The following RNF207 variants were observed in gnomAD, a reference collection of about 807,000 sequenced individuals.
RNF207 encodes the protein ring finger protein 207, also known as OTTHUMG00000001089.
A neutral mutation model predicts 79.0 loss-of-function variants in RNF207; 72 were observed. That is an observed-to-expected ratio of 0.91 (90% CI 0.75 to 1.11). The LOEUF is 1.11. Ranked by LOEUF, RNF207 falls within the 50% of genes least tolerant of loss-of-function variation. RNF207 has a pLI of 0.00. For missense variants in RNF207, 936 were observed against 855.8 expected (o/e 1.09, Z -1.17); for synonymous variants, 348 against 366.2 (o/e 0.95, Z 0.57).
intron 1 of RNF207, 65 bp from the exon 2 acceptor site, chr1:6,206,471 G>A: frequency 7.8e-7 from 1 of 1,284,412 alleles, no homozygotes; most frequent in Non-Finnish European, 1.0e-6. Flanking sequence ...CCGGGCAGAG[G>A]GGCCGCGGGA....
Position 6,210,943 on chromosome 1 carries a change from GCAGT to G in RNF207, c.1011+6_1011+9del. On this transcript the variant is annotated splice_donor_region_variant and intron_variant, in intron 11 of 17. Coordinates refer to ENST00000377939, the MANE Select transcript of RNF207 (RefSeq NM_207396.3). The stretch of plus-strand genomic sequence containing the variant: ...AGGCCTATTCAGAGCAGCAAGGTGT[GCAGT>G]GGCCTGGGTGGGCCAGGGTCGGGGG... The G allele has an allele frequency of 6.2e-7, 1 of 1,603,882 alleles. No individual in the cohort carries two copies. The highest frequency in any genetic ancestry group is 2.2e-5 in the East Asian group (1 of 44,502).
Position 6,206,659 on chromosome 1 carries a change from CACG to C in RNF207, c.127_129del (p.Asp43del). 6.2e-7 allele frequency: 1 copy of C among 1,607,774 alleles called. No individual in the cohort carries two copies. The highest frequency in any genetic ancestry group is 8.5e-7 in the Non-Finnish European group (1 of 1,179,862). On this transcript the variant is annotated inframe_deletion, in exon 2 of 18. Coordinates refer to ENST00000377939, the MANE Select transcript of RNF207 (RefSeq NM_207396.3). ...GCGCCCGTGTCTTCTGGACTGTTTCCACGACTTCTGTGCCGGCTGCCTGCGTGG... is the reference window on the plus strand; with the variant it reads ...GCGCCCGTGTCTTCTGGACTGTTTCCACTTCTGTGCCGGCTGCCTGCGTGG...
At chr1:6,213,646 G>T (rs913550663) in intron 16 of RNF207, among the ~76,000 whole-genome samples, 6 of 152,134 alleles carry the variant, frequency 3.9e-5, no homozygotes, top group Admixed American at 3.3e-4. Context: ...CTGCTTTTAG[G>T]CTCAGAGTTG....
At position 6,208,909 on chromosome 1, in the gene RNF207, C is replaced by G; in HGVS notation, c.353C>G (p.Thr118Arg). The change falls in exon 4 of 18, where the codon ACG becomes AGG. Residue 118 changes from threonine (T) to arginine (R), a missense_variant. By Grantham distance (71) the Thr-to-Arg change is moderately conservative (BLOSUM62 -1). Coordinates refer to ENST00000377939, the MANE Select transcript of RNF207 (RefSeq NM_207396.3). ...QDVETTYFCN[T>R]CGQPLCARCR... ...GTGGAGACCACGTACTTCTGCAACACGTGCGGACAGCCCCTATGCGCGCGC... is the reference window on the plus strand; with the variant it reads ...GTGGAGACCACGTACTTCTGCAACAGGTGCGGACAGCCCCTATGCGCGCGC... 1.3e-6 allele frequency: 2 copies of G among 1,533,646 alleles called. No individual in the cohort carries two copies. Among genetic ancestry groups the G allele is most frequent in the Non-Finnish European group, 1.7e-6 (2 of 1,145,190 alleles).
Position 6,210,353 on chromosome 1 carries a change from A to C in RNF207, c.874-17A>C. On this transcript the variant is annotated splice_polypyrimidine_tract_variant and intron_variant, in intron 9 of 17. Coordinates refer to ENST00000377939, the MANE Select transcript of RNF207 (RefSeq NM_207396.3). Reference sequence around the variant, plus strand: ...CCTCCTCCCCGGCCAGGCACTGAGCAGCATCCCCTCCCCCAGGTCCACCTG... The same window carrying C: ...CCTCCTCCCCGGCCAGGCACTGAGCCGCATCCCCTCCCCCAGGTCCACCTG... The C allele has an allele frequency of 6.2e-7, 1 of 1,613,352 alleles. No homozygotes were observed. The highest frequency in any genetic ancestry group is 8.5e-7 in the Non-Finnish European group (1 of 1,179,640).
chr1:6,209,990 GCTTGCTTCC>G lies in RNF207; in HGVS notation c.800+24_800+32del, dbSNP rs1212345245. 6.4e-7 allele frequency: 1 copy of G among 1,568,240 alleles called. No homozygotes were observed. The highest frequency in any genetic ancestry group is 1.4e-5 in the African/African-American group (1 of 73,556). ...GCAGAGGTGAGTTGGGGGGAGCGGG[GCTTGCTTCC>G]CTTACCCCTTGGCCTCCATGGCCTC... On this transcript the variant is annotated intron_variant, in intron 8 of 17. Coordinates refer to ENST00000377939, the MANE Select transcript of RNF207 (RefSeq NM_207396.3).
intron 7 of RNF207, 133 bp from the exon 8 acceptor site, chr1:6,209,791 C>T (rs1040417948): frequency 2.9e-6 from 3 of 1,049,572 alleles, no homozygotes; most frequent in African/African-American, 3.2e-5. Flanking sequence ...CCTCACCAGG[C>T]AGCAGATGCA....
At chr1:6,212,865 C>A in intron 15 of RNF207, 132 bp downstream of exon 15, 1 of 862,548 alleles carries the variant, frequency 1.2e-6, no homozygotes, top group Non-Finnish European at 1.9e-6. Context: ...CTTGACCGTG[C>A]CTCCCAGCTG....
rs1667958102 is a variant in RNF207 at position 6,207,480 on chromosome 1, G to A, written c.293G>A (p.Cys98Tyr). The change falls in exon 3 of 18, where the codon TGT becomes TAT. Residue 98 changes from cysteine to tyrosine, a missense_variant. Cys to Tyr is a radical substitution (Grantham distance 194). Coordinates refer to ENST00000377939, the MANE Select transcript of RNF207 (RefSeq NM_207396.3). This position sits in a 1 kb window ranked among gnomAD's most constrained non-coding sequence, Gnocchi z 4.5. ...SSGDGVEAVR[C>Y]ANCDLECSEQ... is the part of the protein sequence containing the mutation. The stretch of plus-strand genomic sequence containing the variant: ...GGGGATGGCGTGGAGGCGGTGCGCT[G>A]TGCCAACTGTGACCTGGAGTGCAGC... The A allele has an allele frequency of 6.2e-7, 1 of 1,602,224 alleles. No individual in the cohort carries two copies. Among genetic ancestry groups the A allele is most frequent in the African/African-American group, 1.3e-5 (1 of 74,866 alleles).
Position 6,207,527 on chromosome 1 carries a change from CG to C in RNF207, c.324+19del. 1 of 1,052,650 alleles carries C rather than the reference CG, an allele frequency of 9.5e-7. No homozygotes were observed. The highest frequency in any genetic ancestry group is 1.4e-6 in the Non-Finnish European group (1 of 738,724). 65.2% of individuals were successfully genotyped at this position (1,052,650 alleles called of 1,614,324 possible). On this transcript the variant is annotated intron_variant, in intron 3 of 17. Coordinates refer to ENST00000377939, the MANE Select transcript of RNF207 (RefSeq NM_207396.3). The surrounding 1 kb of genome is among the most constrained non-coding windows in gnomAD (Gnocchi z 4.5). Reference sequence around the variant, plus strand: ...CAGCGAGCAGGCAGGGGCGGCAGGGCGGGTGGGTGAGGAGCAGAGGGTACCC... The same window carrying C: ...CAGCGAGCAGGCAGGGGCGGCAGGGCGGTGGGTGAGGAGCAGAGGGTACCC...
chr1:6,212,182 T>TA (rs1668200193), intron 13 of RNF207, 49 bp from the exon 14 acceptor site: 1 of 1,574,416 alleles, frequency 6.4e-7, no homozygotes, highest in African/African-American at 1.4e-5. Context: ...TCCATGGCAG[T>TA]AAAAACAGCC....
rs1354617656 is a variant in RNF207, at chr1:6,211,517, A to C, written c.1110-350A>C. 4.6e-5 allele frequency among the ~76,000 whole-genome samples: 7 copies of C among 152,110 alleles called. No individual in the cohort carries two copies. Among genetic ancestry groups the C allele is most frequent in the African/African-American group, 1.7e-4 (7 of 41,418 alleles). ...GAGAGGAGTTAGAAGAGATGCTGAAATGGCATGTGTGTGTCCAGGGGCCCC... is the reference window on the plus strand; with the variant it reads ...GAGAGGAGTTAGAAGAGATGCTGAACTGGCATGTGTGTGTCCAGGGGCCCC... On this transcript the variant is annotated intron_variant, in intron 12 of 17. Coordinates refer to ENST00000377939, the MANE Select transcript of RNF207 (RefSeq NM_207396.3). The surrounding 1 kb of genome is among the most constrained non-coding windows in gnomAD (Gnocchi z 4.2).
chr1:6,206,685 TG>T lies in RNF207; in HGVS notation c.152del (p.Gly51AlafsTer19). The T allele has an allele frequency of 6.2e-7, 1 of 1,604,524 alleles. No homozygotes were observed. ...FHDFCAGCLRGRATDGRLTCP... is the reference protein window; with the variant it reads ...FHDFCAGCLRXRATDGRLTCP... ...ACGACTTCTGTGCCGGCTGCCTGCGTGGCCGCGCGACCGACGGCCGCCTCAC... is the reference window on the plus strand; with the variant it reads ...ACGACTTCTGTGCCGGCTGCCTGCGTGCCGCGCGACCGACGGCCGCCTCAC... On this transcript the variant is annotated frameshift_variant, in exon 2 of 18. Coordinates refer to ENST00000377939, the MANE Select transcript of RNF207 (RefSeq NM_207396.3). LOFTEE classifies it high-confidence loss of function.
intron 14 of RNF207, 110 bp downstream of exon 14, chr1:6,212,526 CAT>C: frequency 7.8e-7 from 1 of 1,275,148 alleles, no homozygotes. Flanking sequence ...ACGGGACCCT[CAT>C]GTGGCAGGGT....
At chr1:6,218,494 T>C in intron 17 of RNF207, 125 bp downstream of exon 17, 1 of 674,438 alleles carries the variant, frequency 1.5e-6, no homozygotes. Flanking sequence ...TGGGCCTCTT[T>C]GTAAAACAAG....
Position 6,219,360 on chromosome 1 carries a change from C to G in RNF207, c.1858C>G (p.Gln620Glu), listed in dbSNP as rs192548409. The change falls in exon 18 of 18, where the codon CAG becomes GAG. Residue 620 changes from glutamine to glutamate, a missense_variant. Coordinates refer to ENST00000377939, the MANE Select transcript of RNF207 (RefSeq NM_207396.3). ...AAATATGGATCATCACAGATCCAAA[C>G]AGAAAAATGGGGGCGATGTCCCCAC... ...LKNMDHHRSK[Q>E]KNGGDVPTWR... is the part of the protein sequence containing the mutation. 3 of 1,611,798 alleles carry G rather than the reference C, an allele frequency of 1.9e-6. No individual in the cohort carries two copies. The highest frequency in any genetic ancestry group is 1.7e-6 in the Non-Finnish European group (2 of 1,179,328).
Position 6,210,933 on chromosome 1 carries a change from A to G in RNF207, c.1006A>G (p.Ser336Gly), listed in dbSNP as rs1214063087. The stretch of plus-strand genomic sequence containing the variant: ...GCACCACCTAAGGCCTATTCAGAGC[A>G]GCAAGGTGTGCAGTGGCCTGGGTGG... ...RPHHLRPIQS[S>G]KIASDHRAEF... Residue 336 changes from serine to glycine, a missense_variant, in exon 11 of 18, where the codon AGC becomes GGC. By Grantham distance (56) the Ser-to-Gly change is moderately conservative. Transcript: ENST00000377939. 2 of 1,605,960 alleles carry G rather than the reference A, an allele frequency of 1.2e-6. No homozygotes were observed. Among genetic ancestry groups the G allele is most frequent in the South Asian group, 2.2e-5 (2 of 89,206 alleles).
At chr1:6,208,140 G>T (rs915962004) in intron 3 of RNF207, 5 of 183,394 alleles carry the variant, frequency 2.7e-5, no homozygotes, top group African/African-American at 1.2e-4. Context: ...CCAAGCCCTG[G>T]AATCCCAGCC....
Position 6,220,899 on chromosome 1 carries a change from AATGGGTCTAC to A in RNF207, c.*1493_*1502del, listed in dbSNP as rs970695872. 6.6e-6 allele frequency: 1 copy of A among 152,214 alleles called. No individual in the cohort carries two copies. The highest frequency in any genetic ancestry group is 2.4e-5 in the African/African-American group (1 of 41,458). The allele number at this position is 152,214 out of a possible 1,614,324, so 9.4% of individuals were successfully genotyped here. Reference sequence around the variant, plus strand: ...CAGCTTGATTCAGTGATTAACAGCAAATGGGTCTACGTGCTAACATGGCAGCACATTCAAC... The same window carrying A: ...CAGCTTGATTCAGTGATTAACAGCAAGTGCTAACATGGCAGCACATTCAAC... On this transcript the variant is annotated 3_prime_UTR_variant, in exon 18 of 18. Coordinates refer to ENST00000377939, the MANE Select transcript of RNF207 (RefSeq NM_207396.3).
Sources: gnomAD v4.1 joint callset for allele counts (sites outside exome capture counted in the v4.1 genomes callset) on GRCh38, gnomAD v4.1.1 for gene constraint, Gnocchi (gnomAD v3.1) non-coding constraint, MANE v1.5 for transcripts, NCBI Gene and HGNC (gene_info 2026-07-23, HGNC 2026-07-21) for gene names.